B3GALT1: variants seen among roughly 807,000 people sequenced by gnomAD.
B3GALT1 encodes beta-1,3-galactosyltransferase 1, also known as UDP-Gal:betaGlcNAc beta 1,3-galactosyltransferase, polypeptide 1.
A neutral mutation model predicts 23.2 loss-of-function variants in B3GALT1; 10 were observed. That is an observed-to-expected ratio of 0.43 (90% CI 0.27 to 0.73). B3GALT1 has a LOEUF of 0.73. Ranked by LOEUF, B3GALT1 falls within the 30% of genes least tolerant of loss-of-function variation. The pLI is 0.21. For missense variants in B3GALT1, 299 were observed against 405.4 expected, an observed-to-expected ratio of 0.74 and a Z score of 2.25; for synonymous variants, 156 against 141.5, an observed-to-expected ratio of 1.10 and a Z score of -0.73.
At chr2:167,375,796 T>C (rs1697753986) in intron 1 of B3GALT1, among the ~76,000 whole-genome samples, 1 of 152,166 alleles carries the variant, frequency 6.6e-6, no homozygotes, top group African/African-American at 2.4e-5. Flanking sequence ...GAGAGATCAG[T>C]TGTCTTCTTC....
chr2:167,529,003 TTTCC>T (rs1683272091), intron 2 of B3GALT1, among the ~76,000 whole-genome samples: 1 of 152,106 alleles, frequency 6.6e-6, no homozygotes, highest in African/African-American at 2.4e-5. Flanking sequence ...TCAATAGTAT[TTTCC>T]TTCCTATCAC....
At chr2:167,629,396 A>G (rs1685400767) in intron 2 of B3GALT1, among the ~76,000 whole-genome samples, 1 of 151,694 alleles carries the variant, frequency 6.6e-6, no homozygotes, top group Non-Finnish European at 1.5e-5. Flanking sequence ...TGGGCAGATA[A>G]TTTATTCATC....
At chr2:167,825,271 A>T (rs1365328551) in intron 4 of B3GALT1, among the ~76,000 whole-genome samples, 1 of 141,626 alleles carries the variant, frequency 7.1e-6, no homozygotes, top group African/African-American at 2.7e-5. Context: ...GCGACAGAGC[A>T]AGACTCCGTC....
chr2:167,836,033 C>T (rs1446467307), intron 4 of B3GALT1, among the ~76,000 whole-genome samples: 22 of 152,276 alleles, frequency 1.4e-4, no homozygotes, highest in Admixed American at 6.5e-5. Flanking sequence ...CCCATCTGTA[C>T]ATCACCATCA....
intron 3 of B3GALT1, among the ~76,000 whole-genome samples, chr2:167,649,042 G>T (rs1685808591): frequency 6.6e-6 from 1 of 152,082 alleles, no homozygotes; most frequent in East Asian, 1.9e-4. Context: ...TGTGACCATA[G>T]TAAGAGCAAA....
intron 2 of B3GALT1, among the ~76,000 whole-genome samples, chr2:167,536,671 C>G (rs1045753729): frequency 1.3e-5 from 2 of 152,044 alleles, no homozygotes; most frequent in African/African-American, 4.8e-5. Flanking sequence ...GAAAGAAAAG[C>G]AGTAAACATT....
At chr2:167,645,083 T>C (rs1391491032) in intron 2 of B3GALT1, among the ~76,000 whole-genome samples, 1 of 152,184 alleles carries the variant, frequency 6.6e-6, no homozygotes, top group Non-Finnish European at 1.5e-5. Context: ...ATCTTCACCA[T>C]AATCCACCCC....
intron 3 of B3GALT1, among the ~76,000 whole-genome samples, chr2:167,682,728 A>G (rs1686553762): frequency 6.6e-6 from 1 of 152,248 alleles, no homozygotes; most frequent in East Asian, 1.9e-4. Context: ...CTCCCCACCT[A>G]GTCTCTCCCT....
intron 2 of B3GALT1, among the ~76,000 whole-genome samples, chr2:167,559,702 TC>T (rs1683931821): frequency 6.6e-6 from 1 of 152,006 alleles, no homozygotes; most frequent in South Asian, 2.1e-4. Flanking sequence ...AGAAAGGGTA[TC>T]AGTGATGGAA....
intron 3 of B3GALT1, chr2:167,713,887 C>G: frequency 6.3e-7 from 1 of 1,585,406 alleles, no homozygotes; most frequent in South Asian, 1.1e-5. Flanking sequence ...AAGCTCCAAA[C>G]ATGGTTCCTG....
intron 2 of B3GALT1, among the ~76,000 whole-genome samples, chr2:167,587,317 G>A (rs1197455439): frequency 6.6e-6 from 1 of 151,986 alleles, no homozygotes; most frequent in East Asian, 1.9e-4. Context: ...TGATTATTTA[G>A]CCAATACTTA....
At chr2:167,341,553 T>G (rs1697146765) in intron 1 of B3GALT1, among the ~76,000 whole-genome samples, 1 of 151,970 alleles carries the variant, frequency 6.6e-6, no homozygotes, top group Admixed American at 6.5e-5. Flanking sequence ...TCCTAGCTAT[T>G]TGGGAGGCTG....
chr2:167,550,114 A>G (rs1038200941), intron 2 of B3GALT1, among the ~76,000 whole-genome samples: 5 of 152,212 alleles, frequency 3.3e-5, no homozygotes, highest in Non-Finnish European at 7.3e-5. Flanking sequence ...AGTTGGTTCT[A>G]ATCTCAAAAG....
intron 4 of B3GALT1, among the ~76,000 whole-genome samples, chr2:167,851,262 T>C (rs111487172): frequency 2.0e-5 from 3 of 152,096 alleles, no homozygotes; most frequent in African/African-American, 7.2e-5. Flanking sequence ...AAAAAATACA[T>C]GTGATTAGGT....
intron 3 of B3GALT1, among the ~76,000 whole-genome samples, chr2:167,673,782 T>C (rs544321833): frequency 2.6e-5 from 4 of 152,074 alleles, no homozygotes; most frequent in Non-Finnish European, 5.9e-5. Flanking sequence ...ATTTAGAATA[T>C]ATTTGGAATA....
intron 3 of B3GALT1, among the ~76,000 whole-genome samples, chr2:167,649,258 T>C (rs1183473753): frequency 6.6e-6 from 1 of 152,144 alleles, no homozygotes; most frequent in Non-Finnish European, 1.5e-5. Flanking sequence ...GCATAATAAA[T>C]GTAACACAGA....
chr2:167,746,109 G>A (rs890882268), intron 3 of B3GALT1, among the ~76,000 whole-genome samples: 6 of 151,146 alleles, frequency 4.0e-5, no homozygotes, highest in Admixed American at 2.0e-4. Context: ...CATTTCAAAG[G>A]TAAAGGAGAC....
chr2:167,534,037 T>C (rs1463411042), intron 2 of B3GALT1, among the ~76,000 whole-genome samples: 1 of 152,232 alleles, frequency 6.6e-6, no homozygotes, highest in Non-Finnish European at 1.5e-5. Context: ...TAATTTGCCT[T>C]TATTCTGACT....
chr2:167,457,805 T>G (rs1699194398), intron 1 of B3GALT1, among the ~76,000 whole-genome samples: 1 of 152,098 alleles, frequency 6.6e-6, no homozygotes, highest in African/African-American at 2.4e-5. Flanking sequence ...CGGCAGCACC[T>G]GAGAATTTAT....
Sources: allele counts gnomAD v4.1 joint callset (sites outside exome capture counted in the v4.1 genomes callset), GRCh38; gene constraint gnomAD v4.1.1; transcripts MANE v1.5; gene names NCBI Gene and HGNC (gene_info 2026-07-23, HGNC 2026-07-21).